The following CSMD1 variants were observed in gnomAD, a reference collection of about 807,000 sequenced individuals.
The protein encoded by CSMD1 is CUB and Sushi multiple domains 1, also known as CUB and sushi domain-containing protein 1.
CSMD1 carries 213 observed loss-of-function variants against 417.5 expected under a neutral mutation model. The observed-to-expected ratio is 0.51, with a 90% CI of 0.46 to 0.57. The LOEUF (loss-of-function observed/expected upper bound fraction) is 0.57. Ranked by LOEUF, CSMD1 falls within the 20% of genes least tolerant of loss-of-function variation. CSMD1 has a pLI of 0.00. For missense variants in CSMD1, 6,923 were observed against 4,529.7 expected, an observed-to-expected ratio of 1.53 and a Z score of -15.17; for synonymous variants, 2,862 against 1,736.8, an observed-to-expected ratio of 1.65 and a Z score of -16.11.
intron 4 of CSMD1, among the ~76,000 whole-genome samples, chr8:3,999,129 T>A (rs1193474581): frequency 1.3e-5 from 2 of 151,832 alleles, no homozygotes; most frequent in African/African-American, 2.4e-5. Context: ...TAAAATTTCT[T>A]CCTTCCCTCC....
intron 29 of CSMD1, among the ~76,000 whole-genome samples, chr8:3,218,826 C>A (rs1798035673): frequency 6.6e-6 from 1 of 151,776 alleles, no homozygotes; most frequent in African/African-American, 2.4e-5. Flanking sequence ...GAGCTGACAT[C>A]GTGCCATTGC....
chr8:3,027,552 G>T (rs1434623484), intron 51 of CSMD1, among the ~76,000 whole-genome samples: 1 of 152,178 alleles, frequency 6.6e-6, no homozygotes, highest in Non-Finnish European at 1.5e-5. Flanking sequence ...AGTGACTCTG[G>T]AAAATGCCAC....
chr8:3,782,937 G>A (rs988820918), intron 5 of CSMD1, among the ~76,000 whole-genome samples: 1 of 152,132 alleles, frequency 6.6e-6, no homozygotes, highest in African/African-American at 2.4e-5. Context: ...TACATGGCAA[G>A]AGATCTAGCC....
chr8:4,512,312 C>CA (rs1263101436), intron 2 of CSMD1, among the ~76,000 whole-genome samples: 3 of 152,112 alleles, frequency 2.0e-5, no homozygotes, highest in African/African-American at 7.2e-5. Context: ...GAATATCTAC[C>CA]AAAAAACCCT....
chr8:4,971,499 C>G (rs1320013312), intron 1 of CSMD1, among the ~76,000 whole-genome samples: 1 of 151,940 alleles, frequency 6.6e-6, no homozygotes, highest in Non-Finnish European at 1.5e-5. Flanking sequence ...TATTATAAAA[C>G]TAAGGAAATG....
intron 1 of CSMD1, among the ~76,000 whole-genome samples, chr8:4,861,069 A>G (rs570821128): frequency 6.6e-6 from 1 of 152,212 alleles, no homozygotes; most frequent in East Asian, 1.9e-4. Flanking sequence ...CTTTTGTTCT[A>G]AAGCTCCAGA....
Position 2,974,514 on chromosome 8 carries a change from C to T in CSMD1, c.8677G>A (p.Gly2893Ser). The change falls in exon 56 of 70, where the codon GGC (glycine) becomes AGC (serine). Residue 2893 changes from glycine (G) to serine (S), a missense_variant. Gly to Ser is a moderately conservative substitution (Grantham distance 56). Coordinates refer to ENST00000635120, the MANE Select transcript of CSMD1 (RefSeq NM_033225.6). ...TCCTGGCACACTCTCGTGTCGTTGCCTATGAGGCTCTCGCTCCCTCTGCAG... is the reference window on the plus strand; with the variant it reads ...TCCTGGCACACTCTCGTGTCGTTGCTTATGAGGCTCTCGCTCCCTCTGCAG... Reference protein sequence around the residue: ...YSCRGSESLIGNDTRVCQEDS... With the variant: ...YSCRGSESLISNDTRVCQEDS... The T allele has an allele frequency of 6.2e-7, 1 of 1,613,694 alleles. No individual in the cohort carries two copies. The highest frequency in any genetic ancestry group is 1.1e-5 in the South Asian group (1 of 90,986).
intron 3 of CSMD1, among the ~76,000 whole-genome samples, chr8:4,337,337 A>C (rs1800228998): frequency 6.6e-6 from 1 of 152,050 alleles, no homozygotes; most frequent in African/African-American, 2.4e-5. Flanking sequence ...TTACCCCAGC[A>C]ACCGACATTG....
chr8:4,082,080 T>C (rs144056317), intron 3 of CSMD1, among the ~76,000 whole-genome samples: 1,874 of 152,070 alleles, frequency 0.012, 19 homozygotes, highest in Non-Finnish European at 0.016. Flanking sequence ...TTGATGAAGA[T>C]TACTGAGACT....
chr8:4,439,403 G>A (rs191491623), intron 2 of CSMD1, among the ~76,000 whole-genome samples: 39 of 152,010 alleles, frequency 2.6e-4, no homozygotes, highest in Admixed American at 2.0e-3. Flanking sequence ...TTTCACGTAC[G>A]TTTATTACTT....
chr8:3,276,546 T>C (rs1802306356), intron 26 of CSMD1, among the ~76,000 whole-genome samples: 1 of 152,174 alleles, frequency 6.6e-6, no homozygotes, highest in Non-Finnish European at 1.5e-5. Context: ...AAGAAAGACC[T>C]GCTCCCATGA....
intron 10 of CSMD1, among the ~76,000 whole-genome samples, chr8:3,529,889 G>T (rs1186799192): frequency 1.3e-5 from 2 of 152,142 alleles, no homozygotes; most frequent in Non-Finnish European, 2.9e-5. Context: ...AGGGCAAGCT[G>T]CTTATGGAAA....
chr8:4,533,794 T>C (rs991633539), intron 2 of CSMD1, among the ~76,000 whole-genome samples: 2 of 151,752 alleles, frequency 1.3e-5, no homozygotes, highest in African/African-American at 4.8e-5. Context: ...GTAATTTTTC[T>C]GTGCTTCTAT....
intron 1 of CSMD1, among the ~76,000 whole-genome samples, chr8:4,783,582 A>C (rs1797261818): frequency 6.6e-6 from 1 of 152,194 alleles, no homozygotes; most frequent in South Asian, 2.1e-4. Context: ...GAGTTGTTCA[A>C]ATGTGTGGGT....
At chr8:4,432,873 G>A (rs1181891375) in intron 2 of CSMD1, among the ~76,000 whole-genome samples, 1 of 152,176 alleles carries the variant, frequency 6.6e-6, no homozygotes, top group East Asian at 1.9e-4. Context: ...CGCGAGCCAC[G>A]AATGTGGCTG....
At chr8:4,666,855 G>C (rs187673871) in intron 1 of CSMD1, among the ~76,000 whole-genome samples, 1 of 152,024 alleles carries the variant, frequency 6.6e-6, no homozygotes, top group East Asian at 1.9e-4. Context: ...TAATTTTGAT[G>C]AAGTCTGATT....
intron 1 of CSMD1, among the ~76,000 whole-genome samples, chr8:4,828,838 C>T (rs904580587): frequency 6.6e-6 from 1 of 152,068 alleles, no homozygotes; most frequent in African/African-American, 2.4e-5. Flanking sequence ...GATTGTAGCT[C>T]AATACTGCCC....
At chr8:4,290,170 G>C (rs185552128) in intron 3 of CSMD1, among the ~76,000 whole-genome samples, 1 of 152,304 alleles carries the variant, frequency 6.6e-6, no homozygotes, top group East Asian at 1.9e-4. Context: ...GTAAAGCAGA[G>C]TTGCGTGGAC....
chr8:4,572,041 G>C (rs1194137109), intron 2 of CSMD1, among the ~76,000 whole-genome samples: 1 of 152,162 alleles, frequency 6.6e-6, no homozygotes, highest in African/African-American at 2.4e-5. Context: ...CCTGAATACA[G>C]CACACCGATG....
Sources: gnomAD v4.1 joint callset for allele counts (sites outside exome capture counted in the v4.1 genomes callset) on GRCh38, gnomAD v4.1.1 for gene constraint, MANE v1.5 for transcripts, NCBI Gene and HGNC (gene_info 2026-07-23, HGNC 2026-07-21) for gene names.